Variants in CDS2 observed in about 807,000 individuals in gnomAD.
CDS2 encodes phosphatidate cytidylyltransferase 2.
In CDS2, 47 loss-of-function variants were observed where a neutral mutation model predicts 59.0. The ratio of observed to expected loss-of-function variants is 0.80; its 90% CI spans 0.63 to 1.02. The LOEUF is 1.02. Among genes scored for constraint, CDS2 ranks in the 50% least tolerant of loss-of-function variants. The probability of loss-of-function intolerance (pLI) is 0.00; values close to 1 mark genes in which losing one functional copy is unlikely to be tolerated. For missense variants in CDS2, 356 were observed against 558.9 expected, an observed-to-expected ratio of 0.64 and a Z score of 3.66; for synonymous variants, 207 against 206.4, an observed-to-expected ratio of 1.00 and a Z score of -0.02.
chr20:5,152,477 C>T (rs988343513), intron 1 of CDS2, among the ~76,000 whole-genome samples: 10 of 152,168 alleles, frequency 6.6e-5, no homozygotes, highest in Non-Finnish European at 1.5e-5. Flanking sequence ...TACGGTGGCT[C>T]ACGCCTGTAA....
rs953983717 is a variant in CDS2, at chr20:5,191,508, G to A, written c.*1274G>A. 1 of 152,176 alleles carries A rather than the reference G, an allele frequency of 6.6e-6. No homozygotes were observed. Among genetic ancestry groups the A allele is most frequent in the Non-Finnish European group, 1.5e-5 (1 of 68,028 alleles). 9.4% of individuals were successfully genotyped at this position (152,176 alleles called of 1,614,324 possible). A position where few individuals can be genotyped will look rare whatever the true frequency, so the allele number is the denominator to read the frequency against. On this transcript the variant is annotated 3_prime_UTR_variant, in exon 13 of 13. Coordinates refer to ENST00000460006, the MANE Select transcript of CDS2 (RefSeq NM_003818.4). ...CCAACAAGTGATGGAGTGCGGGAGAGAGAACTTGGCACCCAAATATATCAA... is the reference window on the plus strand; with the variant it reads ...CCAACAAGTGATGGAGTGCGGGAGAAAGAACTTGGCACCCAAATATATCAA...
At chr20:5,166,996 G>C (rs1183173814) in intron 1 of CDS2, among the ~76,000 whole-genome samples, 4 of 152,172 alleles carry the variant, frequency 2.6e-5, no homozygotes, top group African/African-American at 9.7e-5. Flanking sequence ...TGTGGTGAGG[G>C]AGAGAGATGA....
chr20:5,147,201 A>G (rs2090750604), intron 1 of CDS2, among the ~76,000 whole-genome samples: 2 of 152,212 alleles, frequency 1.3e-5, no homozygotes, highest in South Asian at 2.1e-4. Flanking sequence ...GAGAACTCTT[A>G]AAGGCCTGAA....
At chr20:5,137,014 T>C (rs2090654589) in intron 1 of CDS2, among the ~76,000 whole-genome samples, 1 of 152,194 alleles carries the variant, frequency 6.6e-6, no homozygotes, top group Non-Finnish European at 1.5e-5. Flanking sequence ...CAGTTCACTC[T>C]GCAAGTGAGA....
At chr20:5,160,197 G>A (rs906083826) in intron 1 of CDS2, among the ~76,000 whole-genome samples, 6 of 152,210 alleles carry the variant, frequency 3.9e-5, no homozygotes, top group African/African-American at 1.4e-4. Flanking sequence ...AAAGGCAGGG[G>A]AGAGCCGGCA....
chr20:5,153,913 A>C (rs1440619398), intron 1 of CDS2, among the ~76,000 whole-genome samples: 6 of 152,086 alleles, frequency 3.9e-5, no homozygotes, highest in Non-Finnish European at 8.8e-5. Context: ...AACTTTCATG[A>C]TATTTGTCTT....
In CDS2 at chr20:5,193,539, G is replaced by T. The variant is rs556520475; in HGVS notation, c.*3305G>T. On this transcript the variant is annotated 3_prime_UTR_variant, in exon 13 of 13. Transcript: ENST00000460006. Reference sequence around the variant, plus strand: ...CCTTGTGATTTGGTCTGAGCTAGTTGCTGAGTTGACTGGAGCCTTATTTGA... The same window carrying T: ...CCTTGTGATTTGGTCTGAGCTAGTTTCTGAGTTGACTGGAGCCTTATTTGA... 3.2e-4 allele frequency: 48 copies of T among 152,348 alleles called. No homozygotes were observed. The highest frequency in any genetic ancestry group is 1.1e-3 in the African/African-American group (45 of 41,578). The allele number at this position is 152,348 out of a possible 1,614,324, so 9.4% of individuals were successfully genotyped here.
At chr20:5,130,873 C>T (rs887777690) in intron 1 of CDS2, among the ~76,000 whole-genome samples, 4 of 151,204 alleles carry the variant, frequency 2.6e-5, no homozygotes, top group Admixed American at 1.3e-4. Context: ...GGGTGGATCA[C>T]GAGGTTAGGA....
At chr20:5,167,218 C>G (rs1296225237) in intron 1 of CDS2, among the ~76,000 whole-genome samples, 1 of 152,222 alleles carries the variant, frequency 6.6e-6, no homozygotes, top group Non-Finnish European at 1.5e-5. Flanking sequence ...GAAGCTGAAT[C>G]TGCCACATTC....
chr20:5,135,976 C>T (rs261344), intron 1 of CDS2, among the ~76,000 whole-genome samples: 3,142 of 152,228 alleles, frequency 0.021, 51 homozygotes, highest in South Asian at 0.081. Context: ...GCAGAAGCTC[C>T]TTTGTATTAA....
intron 1 of CDS2, among the ~76,000 whole-genome samples, chr20:5,164,171 T>C (rs536947667): frequency 2.6e-5 from 4 of 152,110 alleles, no homozygotes; most frequent in Admixed American, 1.3e-4. Context: ...AGAAACATAC[T>C]AGTTTCTCCC....
At chr20:5,146,193 A>T (rs572501668) in intron 1 of CDS2, among the ~76,000 whole-genome samples, 10 of 152,128 alleles carry the variant, frequency 6.6e-5, no homozygotes, top group Middle Eastern at 6.8e-3. Flanking sequence ...GACATTTTTT[A>T]GTTTTGTTTT....
chr20:5,185,569 CAGAA>C (rs1381791990), intron 8 of CDS2, among the ~76,000 whole-genome samples, 185 bp from the exon 9 acceptor site: 1 of 151,982 alleles, frequency 6.6e-6, no homozygotes, highest in Non-Finnish European at 1.5e-5. Context: ...CTGATTGAAA[CAGAA>C]AGGGAACCAA....
At chr20:5,164,244 A>G (rs141126829) in intron 1 of CDS2, among the ~76,000 whole-genome samples, 54 of 152,334 alleles carry the variant, frequency 3.5e-4, no homozygotes, top group African/African-American at 1.3e-3. Context: ...TAAACCAGGA[A>G]TACTACAAAA....
Position 5,168,546 on chromosome 20 carries a change from T to C in CDS2, c.58-4977T>C, listed in dbSNP as rs2090931366. 15 of 507,962 alleles carry C rather than the reference T, an allele frequency of 3.0e-5. 1 individual carries two copies. The Admixed American group carries it at 3.0e-4, about 10-fold the overall frequency. 31.5% of individuals were successfully genotyped at this position (507,962 alleles called of 1,614,324 possible). On this transcript the variant is annotated intron_variant, in intron 1 of 12. Transcript: ENST00000460006. ...TAGCCATGGGCACAGCCACACTTTT[T>C]TGGGTCAAACACTGACCATCACTAC...
Position 5,190,340 on chromosome 20 carries a change from T to G in CDS2, c.*106T>G. 1.9e-6 allele frequency: 2 copies of G among 1,043,098 alleles called. No individual in the cohort carries two copies. The highest frequency in any genetic ancestry group is 2.2e-5 in the South Asian group (1 of 44,974). 64.6% of individuals were successfully genotyped at this position (1,043,098 alleles called of 1,614,324 possible). A position where few individuals can be genotyped will look rare whatever the true frequency, so the allele number is the denominator to read the frequency against. ...ACAATGACGAGGCTTCAACTCACTG[T>G]CTTTTTTTTTTTTTTTTGGAGGGTA... On this transcript the variant is annotated 3_prime_UTR_variant, in exon 13 of 13. Transcript: ENST00000460006.
At chr20:5,172,901 G>T (rs957147609) in intron 1 of CDS2, among the ~76,000 whole-genome samples, 2 of 152,156 alleles carry the variant, frequency 1.3e-5, no homozygotes, top group African/African-American at 4.8e-5. Flanking sequence ...GCTGGGAGCA[G>T]GGTGACTTCC....
chr20:5,152,920 G>A (rs1284211389), intron 1 of CDS2, among the ~76,000 whole-genome samples: 1 of 152,196 alleles, frequency 6.6e-6, no homozygotes, highest in East Asian at 1.9e-4. Context: ...ATGCCATTTA[G>A]TATGCATTTG....
rs1404169171 is a variant in CDS2, at chr20:5,184,306, G to A, written c.672-552G>A. Among the ~76,000 whole-genome samples the A allele has an allele frequency of 6.6e-6, 1 of 152,200 alleles. No individual in the cohort carries two copies. Among genetic ancestry groups the A allele is most frequent in the Non-Finnish European group, 1.5e-5 (1 of 68,034 alleles). On this transcript the variant is annotated intron_variant, in intron 7 of 12. Coordinates refer to ENST00000460006, the MANE Select transcript of CDS2 (RefSeq NM_003818.4). This position sits in a 1 kb window ranked among gnomAD's most constrained non-coding sequence, Gnocchi z 4.3. ...GATGACTGGATCAGCAGGGGAGTGGGCAGAGGGGAAATCTAGCTGTGCGTG... is the reference window on the plus strand; with the variant it reads ...GATGACTGGATCAGCAGGGGAGTGGACAGAGGGGAAATCTAGCTGTGCGTG...
Sources: allele counts gnomAD v4.1 joint callset (sites outside exome capture counted in the v4.1 genomes callset), GRCh38; gene constraint gnomAD v4.1.1; non-coding constraint Gnocchi (gnomAD v3.1); transcripts MANE v1.5; gene names NCBI Gene and HGNC (gene_info 2026-07-23, HGNC 2026-07-21).